Variants in NRXN1 observed in about 807,000 individuals in gnomAD.
NRXN1 encodes the protein neurexin 1, also known as neurexin-1.
A neutral mutation model predicts 150.9 loss-of-function variants in NRXN1; 39 were observed. The observed-to-expected ratio is 0.26, with a 90% CI of 0.20 to 0.34. The LOEUF is 0.34. NRXN1 is among the 10% of genes least tolerant of loss of function. NRXN1 has a pLI of 1.00. For missense variants in NRXN1, 1,815 were observed against 1,949.9 expected (o/e 0.93, Z 1.30); for synonymous variants, 924 against 757.0 (o/e 1.22, Z -3.62).
chr2:50,049,140 A>C (rs1692293863), intron 21 of NRXN1, among the ~76,000 whole-genome samples: 1 of 152,142 alleles, frequency 6.6e-6, no homozygotes, highest in African/African-American at 2.4e-5. Flanking sequence ...GTAGAGTATA[A>C]TATAATTTAT....
intron 5 of NRXN1, among the ~76,000 whole-genome samples, chr2:50,720,964 A>G (rs564480483): frequency 6.6e-5 from 10 of 152,304 alleles, no homozygotes; most frequent in Non-Finnish European, 8.8e-5. Context: ...CCAGTCTGCA[A>G]TCCTACAACA....
intron 21 of NRXN1, among the ~76,000 whole-genome samples, chr2:50,025,314 A>G (rs1035342): frequency 0.69 from 105,486 of 152,110 alleles, 36,756 homozygotes; most frequent in Middle Eastern, 0.75. Context: ...TTTGTAAACA[A>G]GATTTGGGGA....
chr2:50,583,133 C>A (rs114961864), intron 8 of NRXN1, among the ~76,000 whole-genome samples: 1 of 152,010 alleles, frequency 6.6e-6, no homozygotes, highest in Non-Finnish European at 1.5e-5. Flanking sequence ...TCACTGCAGC[C>A]TCAAACTCCT....
intron 22 of NRXN1, among the ~76,000 whole-genome samples, chr2:49,940,762 G>C (rs1359598027): frequency 6.6e-6 from 1 of 152,164 alleles, no homozygotes; most frequent in Non-Finnish European, 1.5e-5. Flanking sequence ...GACAGAAAAA[G>C]CTAATGTAGA....
rs17040136 is a variant in NRXN1, at chr2:50,194,446, C to T, written c.3546+42343G>A. ...TAAATTCTAGCTATTTTTATGCCAA[C>T]GTGGACTGCCAATTTGCTTTGAATT... On this transcript the variant is annotated intron_variant, in intron 18 of 22. Coordinates refer to ENST00000401669, the MANE Select transcript of NRXN1 (RefSeq NM_001330078.2). 5.5e-3 allele frequency among the ~76,000 whole-genome samples: 834 copies of T among 152,204 alleles called. 6 individuals are homozygous for T. Among genetic ancestry groups the T allele is most frequent in the Non-Finnish European group, 7.6e-3 (516 of 68,012 alleles).
At chr2:50,948,158 C>A (rs7557568) in intron 2 of NRXN1, among the ~76,000 whole-genome samples, 39,133 of 151,850 alleles carry the variant, frequency 0.26, 5,581 homozygotes, top group Non-Finnish European at 0.33. Context: ...TCTCTAAATA[C>A]ACTTGAAAAG....
chr2:50,609,526 T>C (rs1677683727), intron 8 of NRXN1, among the ~76,000 whole-genome samples: 2 of 152,122 alleles, frequency 1.3e-5, no homozygotes, highest in African/African-American at 4.8e-5. Context: ...CTCAATTACA[T>C]AGTCTCACTT....
At chr2:50,536,515 C>T (rs997419075) in intron 10 of NRXN1, among the ~76,000 whole-genome samples, 2 of 152,124 alleles carry the variant, frequency 1.3e-5, no homozygotes, top group South Asian at 2.1e-4. Flanking sequence ...TAGGTAGTAG[C>T]GGAATATTGC....
At chr2:51,006,210 C>A (rs558059272) in intron 2 of NRXN1, among the ~76,000 whole-genome samples, 1 of 151,906 alleles carries the variant, frequency 6.6e-6, no homozygotes, top group South Asian at 2.1e-4. Context: ...CCTACCTATG[C>A]AGCCATAAAA....
At chr2:50,650,515 C>T (rs570152289) in intron 5 of NRXN1, among the ~76,000 whole-genome samples, 19 of 152,134 alleles carry the variant, frequency 1.2e-4, no homozygotes, top group African/African-American at 4.3e-4. Context: ...TCGGCAGCAG[C>T]CTCAGTATTT....
At chr2:50,058,711 G>A (rs1187565500) in intron 19 of NRXN1, among the ~76,000 whole-genome samples, 1 of 152,158 alleles carries the variant, frequency 6.6e-6, no homozygotes, top group African/African-American at 2.4e-5. Context: ...CCAGTGGGAT[G>A]TAATTGAATT....
chr2:50,352,617 G>A (rs1282332835), intron 17 of NRXN1, among the ~76,000 whole-genome samples: 1 of 151,830 alleles, frequency 6.6e-6, no homozygotes, highest in African/African-American at 2.4e-5. Context: ...AGTTTGAACT[G>A]AGCGTCAGTA....
intron 5 of NRXN1, among the ~76,000 whole-genome samples, chr2:50,787,981 G>T (rs538512258): frequency 1.3e-5 from 2 of 152,144 alleles, no homozygotes; most frequent in African/African-American, 4.8e-5. Flanking sequence ...GACCTATTGT[G>T]AGTCTGCAGA....
At chr2:50,609,668 C>A (rs1677711105) in intron 8 of NRXN1, among the ~76,000 whole-genome samples, 1 of 151,928 alleles carries the variant, frequency 6.6e-6, no homozygotes, top group East Asian at 1.9e-4. Context: ...TTCATCTTAA[C>A]TAATTTAATG....
At chr2:50,706,026 G>A (rs1289167640) in intron 5 of NRXN1, among the ~76,000 whole-genome samples, 2 of 152,292 alleles carry the variant, frequency 1.3e-5, no homozygotes, top group East Asian at 3.9e-4. Context: ...TAGTAGAACA[G>A]TGATTCACAA....
chr2:50,497,608 G>T lies in NRXN1; in HGVS notation c.2604C>A (p.His868Gln). 6.2e-7 allele frequency: 1 copy of T among 1,613,896 alleles called. No homozygotes were observed. The highest frequency in any genetic ancestry group is 1.1e-5 in the South Asian group (1 of 91,072). Residue 868 changes from histidine to glutamine, a missense_variant, in exon 14 of 23, where the codon CAC (histidine) becomes CAA (glutamine). His to Gln is a conservative substitution (Grantham distance 24). Around this residue, in one of 6 missense-constraint regions of NRXN1, gnomAD observed 638 missense variants for 652.6 expected, o/e 0.98. Transcript: ENST00000401669. ...LSSVPSNFIGHLQSLTFNGMA... is the reference protein window; with the variant it reads ...LSSVPSNFIGQLQSLTFNGMA... ...TTCCATTAAATGTCAAGCTCTGCAG[G>T]TGTCCAATGAAGTTGGAGGGGACAG...
chr2:50,784,980 T>C (rs934602573), intron 5 of NRXN1, among the ~76,000 whole-genome samples: 1 of 152,058 alleles, frequency 6.6e-6, no homozygotes, highest in African/African-American at 2.4e-5. Flanking sequence ...AATGTGACTG[T>C]TTTTGGAGAC....
chr2:50,632,846 T>G (rs1329692676), intron 5 of NRXN1: 3 of 152,026 alleles, frequency 2.0e-5, no homozygotes, highest in African/African-American at 7.2e-5. Context: ...AGAGCTCTGA[T>G]CAGTGTGTAG....
intron 5 of NRXN1, among the ~76,000 whole-genome samples, chr2:50,772,095 C>T (rs1302619993): frequency 1.3e-5 from 2 of 151,818 alleles, no homozygotes; most frequent in African/African-American, 4.8e-5. Context: ...AATACAAGTC[C>T]TGGGGTTATG....
Sources: allele counts gnomAD v4.1 joint callset (sites outside exome capture counted in the v4.1 genomes callset), GRCh38; gene constraint gnomAD v4.1.1; regional missense constraint gnomAD v4.1.1; transcripts MANE v1.5; gene names NCBI Gene and HGNC (gene_info 2026-07-23, HGNC 2026-07-21).